The following EPB41L4A variants were observed in gnomAD, a reference collection of about 807,000 sequenced individuals.
EPB41L4A encodes band 4.1-like protein 4A.
In EPB41L4A, 100 loss-of-function variants were observed where a neutral mutation model predicts 108.6. The observed-to-expected ratio is 0.92, with a 90% CI of 0.78 to 1.09. The LOEUF is 1.09. Among genes scored for constraint, EPB41L4A ranks in the 50% least tolerant of loss-of-function variants. The pLI is 0.00. For synonymous variants in EPB41L4A, 319 were observed against 289.0 expected (o/e 1.10, Z -1.05); for missense variants, 1,030 against 842.7 (o/e 1.22, Z -2.75).
chr5:112,162,153 T>A (rs1430187346), downstream of EPB41L4A: 2 of 152,306 alleles, frequency 1.3e-5, no homozygotes, highest in African/African-American at 4.8e-5. Context: ...TCTCTTAGGA[T>A]GTCCTTGGTG....
chr5:112,181,612 G>A (rs72796360), intron 18 of EPB41L4A, among the ~76,000 whole-genome samples: 21,406 of 152,188 alleles, frequency 0.14, 1,649 homozygotes, highest in Non-Finnish European at 0.16. Context: ...CCATCAAGAA[G>A]AGAATGAATA....
At chr5:112,340,622 A>C (rs1411952778) in intron 1 of EPB41L4A, among the ~76,000 whole-genome samples, 1 of 152,142 alleles carries the variant, frequency 6.6e-6, no homozygotes, top group East Asian at 1.9e-4. Flanking sequence ...GTAGAACATC[A>C]ATTTTTAAAT....
intron 2 of EPB41L4A, among the ~76,000 whole-genome samples, chr5:112,287,795 G>GA (rs1201307895): frequency 6.6e-6 from 1 of 151,980 alleles, no homozygotes; most frequent in Non-Finnish European, 1.5e-5. Context: ...ATTGGAAACA[G>GA]AAAAAAATGT....
intron 9 of EPB41L4A, among the ~76,000 whole-genome samples, chr5:112,249,942 G>C (rs1456493538): frequency 6.6e-6 from 1 of 152,108 alleles, no homozygotes; most frequent in Non-Finnish European, 1.5e-5. Context: ...TTCTTTCAGG[G>C]AAGTGTATGG....
chr5:112,369,605 T>C (rs1406125114), intron 1 of EPB41L4A, among the ~76,000 whole-genome samples: 2 of 152,212 alleles, frequency 1.3e-5, no homozygotes, highest in East Asian at 1.9e-4. Context: ...AATTGACTTA[T>C]TGAATATTTA....
chr5:112,352,651 T>G (rs987765), intron 1 of EPB41L4A, among the ~76,000 whole-genome samples: 2 of 151,744 alleles, frequency 1.3e-5, no homozygotes, highest in Non-Finnish European at 2.9e-5. Context: ...TCCGTTTTGT[T>G]TATCTTTCAT....
At chr5:112,280,450 A>G (rs745477300) in intron 2 of EPB41L4A, 127 bp from the exon 3 acceptor site, 7 of 800,182 alleles carry the variant, frequency 8.7e-6, no homozygotes, top group Non-Finnish European at 1.5e-5. Context: ...CTTCTCTCAT[A>G]TACACACACA....
intron 1 of EPB41L4A, among the ~76,000 whole-genome samples, chr5:112,370,359 C>T (rs1759415603): frequency 6.6e-6 from 1 of 151,790 alleles, no homozygotes; most frequent in Non-Finnish European, 1.5e-5. Context: ...TTTAATCTCT[C>T]GATGGTATTC....
At chr5:112,263,956 G>C (rs1387442168) in intron 6 of EPB41L4A, 1 of 152,226 alleles carries the variant, frequency 6.6e-6, no homozygotes, top group African/African-American at 2.4e-5. Flanking sequence ...GAGATTACAG[G>C]CACATGCCAC....
At chr5:112,346,248 A>C (rs191686961) in intron 1 of EPB41L4A, among the ~76,000 whole-genome samples, 2 of 31,684 alleles carry the variant, frequency 6.3e-5, no homozygotes, top group African/African-American at 1.1e-4. Flanking sequence ...TTTTTTGAGA[A>C]GGAGTCTCGC....
At chr5:112,258,068 C>A (rs1372011499) in intron 9 of EPB41L4A, among the ~76,000 whole-genome samples, 1 of 152,326 alleles carries the variant, frequency 6.6e-6, no homozygotes, top group East Asian at 1.9e-4. Context: ...ATCTGGAATT[C>A]CCCTTCCTTA....
chr5:112,335,219 G>C (rs1756839728), intron 1 of EPB41L4A, among the ~76,000 whole-genome samples: 1 of 152,116 alleles, frequency 6.6e-6, no homozygotes. Context: ...AAAAACAAAA[G>C]CAACTGTGCT....
At chr5:112,347,099 C>G (rs1757729868) in intron 1 of EPB41L4A, among the ~76,000 whole-genome samples, 1 of 152,206 alleles carries the variant, frequency 6.6e-6, no homozygotes, top group South Asian at 2.1e-4. Flanking sequence ...GAGGAAACAG[C>G]AAATGTCAAA....
rs1274961288 is a variant in EPB41L4A at position 112,293,205 on chromosome 5, G to A, written c.205-12882C>T. On this transcript the variant is annotated intron_variant, in intron 2 of 22. Coordinates refer to ENST00000261486, the MANE Select transcript of EPB41L4A (RefSeq NM_022140.5). ...CCTTTATTGTTTTCAATTGTTGTTC[G>A]ATGGAAGCATTTTTTTTTTTAACTT... Among the ~76,000 whole-genome samples, 4 of 151,042 alleles carry A rather than the reference G, an allele frequency of 2.6e-5. No individual in the cohort carries two copies. The East Asian group carries it at 5.8e-4, about 22-fold the overall frequency.
intron 7 of EPB41L4A, among the ~76,000 whole-genome samples, chr5:112,261,344 T>G (rs1295062770): frequency 6.6e-6 from 1 of 152,230 alleles, no homozygotes; most frequent in Non-Finnish European, 1.5e-5. Flanking sequence ...TGAGTGTTAT[T>G]TGCACTAGAT....
chr5:112,146,322 C>A (rs939992537), intron 12 of EPB41L4A, among the ~76,000 whole-genome samples: 7 of 152,196 alleles, frequency 4.6e-5, no homozygotes, highest in South Asian at 4.1e-4. Flanking sequence ...AATGGAACAG[C>A]TGCAATTCTC....
chr5:112,234,417 G>A (rs1749182868), intron 12 of EPB41L4A, among the ~76,000 whole-genome samples: 1 of 151,740 alleles, frequency 6.6e-6, no homozygotes, highest in Admixed American at 6.6e-5. Flanking sequence ...TCATTAAGCA[G>A]GCCATGGTGA....
chr5:112,171,862 T>G (rs935919111), intron 18 of EPB41L4A, among the ~76,000 whole-genome samples: 1 of 152,162 alleles, frequency 6.6e-6, no homozygotes, highest in African/African-American at 2.4e-5. Context: ...AAAGAACAAA[T>G]AATTAAAAGC....
At chr5:112,404,547 C>A (rs1761971842) in intron 1 of EPB41L4A, among the ~76,000 whole-genome samples, 1 of 152,122 alleles carries the variant, frequency 6.6e-6, no homozygotes. Context: ...ACTATGACTG[C>A]AAAACATTAA....
Sources: allele counts gnomAD v4.1 joint callset (sites outside exome capture counted in the v4.1 genomes callset), GRCh38; gene constraint gnomAD v4.1.1; transcripts MANE v1.5; gene names NCBI Gene and HGNC (gene_info 2026-07-23, HGNC 2026-07-21).